The following PTCRA variants were observed in gnomAD, a reference collection of about 807,000 sequenced individuals.
PTCRA encodes the protein pre T-cell antigen receptor alpha.
Under a neutral mutation model 13.4 loss-of-function variants are expected in PTCRA, and 9 were observed. The ratio of observed to expected loss-of-function variants is 0.67; its 90% CI spans 0.41 to 1.18. PTCRA has a LOEUF of 1.18. Among genes scored for constraint, PTCRA ranks in the 50% most tolerant of loss-of-function variants. The pLI, the probability that PTCRA is intolerant of heterozygous loss-of-function variation, is 0.01. For synonymous variants in PTCRA, 153 were observed against 161.9 expected (o/e 0.94, Z 0.42); for missense variants, 353 against 359.8 (o/e 0.98, Z 0.15).
At chr6:42,924,365 C>T (rs1767326407) in intron 3 of PTCRA, 92 bp downstream of exon 3, 3 of 1,075,812 alleles carry the variant, frequency 2.8e-6, no homozygotes, top group Non-Finnish European at 4.3e-6. Context: ...CCTAATGGGT[C>T]TTACACTGGA....
chr6:42,924,382 T>A, intron 3 of PTCRA, 109 bp downstream of exon 3: 1 of 887,462 alleles, frequency 1.1e-6, no homozygotes, highest in Non-Finnish European at 1.9e-6. Context: ...TGGAGGTCAG[T>A]AGGTGTCCCA....
At chr6:42,921,648 C>T (rs1767170999) in intron 1 of PTCRA, among the ~76,000 whole-genome samples, 1 of 148,696 alleles carries the variant, frequency 6.7e-6, no homozygotes, top group Non-Finnish European at 1.5e-5. Flanking sequence ...GATCTCCTGA[C>T]CTCGTGATCT....
chr6:42,919,057 T>A (rs1021313379), intron 1 of PTCRA, among the ~76,000 whole-genome samples: 2 of 146,436 alleles, frequency 1.4e-5, no homozygotes, highest in African/African-American at 5.2e-5. Context: ...TTTTTTTTAA[T>A]TTTTTGAGAC....
At chr6:42,917,552 A>G (rs1766936692) in intron 1 of PTCRA, among the ~76,000 whole-genome samples, 1 of 138,472 alleles carries the variant, frequency 7.2e-6, no homozygotes, top group Non-Finnish European at 1.5e-5. Flanking sequence ...TATTATTATT[A>G]TTATTATTAT....
In PTCRA at chr6:42,925,116, G is replaced by A. The variant is rs932348461; in HGVS notation, c.425-145G>A. 3 of 1,046,310 alleles carry A rather than the reference G, an allele frequency of 2.9e-6. No homozygotes were observed. The highest frequency in any genetic ancestry group is 4.0e-6 in the Non-Finnish European group (3 of 741,666). The allele number at this position is 1,046,310 out of a possible 1,614,324, so 64.8% of individuals were successfully genotyped here. On this transcript the variant is annotated intron_variant, in intron 3 of 3. Coordinates refer to ENST00000304672, the MANE Select transcript of PTCRA (RefSeq NM_138296.3). The surrounding 1 kb of genome is among the most constrained non-coding windows in gnomAD (Gnocchi z 4.4). The stretch of plus-strand genomic sequence containing the variant: ...GGTATGTATTATTACCAGTAAGAAC[G>A]GAGGCTAGACACCGGGAAGGACTTT...
intron 1 of PTCRA, among the ~76,000 whole-genome samples, chr6:42,922,705 A>T (rs1218579280): frequency 1.3e-5 from 2 of 151,272 alleles, no homozygotes; most frequent in African/African-American, 2.4e-5. Flanking sequence ...GCGCCACTGC[A>T]CTCTAGCCTG....
rs929411659 is a variant in PTCRA at position 42,918,229 on chromosome 6, C to G, written c.58+2102C>G. Reference sequence around the variant, plus strand: ...CAAGATCCCACCACTGCACTCCAGGCTAGGCGACAGAACCAGAATCAGTCT... The same window carrying G: ...CAAGATCCCACCACTGCACTCCAGGGTAGGCGACAGAACCAGAATCAGTCT... On this transcript the variant is annotated intron_variant, in intron 1 of 3. Coordinates refer to ENST00000304672, the MANE Select transcript of PTCRA (RefSeq NM_138296.3). Among the ~76,000 whole-genome samples the G allele has an allele frequency of 6.0e-5, 9 of 150,384 alleles. No homozygotes were observed. In the East Asian group the frequency reaches 1.6e-3, roughly 26 times the overall value.
intron 1 of PTCRA, among the ~76,000 whole-genome samples, chr6:42,916,751 T>A (rs1388755825): frequency 1.3e-5 from 2 of 152,168 alleles, no homozygotes; most frequent in Non-Finnish European, 2.9e-5. Context: ...CATGTGCATG[T>A]GTGCATGTAC....
chr6:42,925,290 G>A lies in PTCRA; in HGVS notation c.454G>A (p.Val152Ile), dbSNP rs1303874092. ...GTPGGALWLG[V>I]LRLLLFKLLL... ...ACCGGGTGGGGCGCTGTGGCTGGGG[G>A]TCCTGCGGCTGCTGCTCTTCAAGCT... The change falls in exon 4 of 4, where the codon GTC (valine) becomes ATC (isoleucine). Residue 152 changes from valine to isoleucine, a missense_variant. Coordinates refer to ENST00000304672, the MANE Select transcript of PTCRA (RefSeq NM_138296.3). This position sits in a 1 kb window ranked among gnomAD's most constrained non-coding sequence, Gnocchi z 4.4. 3.1e-6 allele frequency: 5 copies of A among 1,590,480 alleles called. No individual in the cohort carries two copies. Among genetic ancestry groups the A allele is most frequent in the Non-Finnish European group, 4.3e-6 (5 of 1,175,518 alleles).
intron 2 of PTCRA, among the ~76,000 whole-genome samples, chr6:42,923,634 C>T (rs1767296716): frequency 6.6e-6 from 1 of 152,184 alleles, no homozygotes; most frequent in Non-Finnish European, 1.5e-5. Context: ...AGATAATCAC[C>T]CTGTGTACAT....
At chr6:42,918,155 C>A (rs1474698957) in intron 1 of PTCRA, among the ~76,000 whole-genome samples, 3 of 151,304 alleles carry the variant, frequency 2.0e-5, no homozygotes, top group Admixed American at 6.6e-5. Flanking sequence ...ACTTAGGATG[C>A]TGAGGCAGGA....
rs778744161 is a variant in PTCRA, at chr6:42,923,057, C to T, written c.89C>T (p.Ala30Val). The T allele has an allele frequency of 6.2e-7, 1 of 1,614,230 alleles. No homozygotes were observed. The highest frequency in any genetic ancestry group is 8.5e-7 in the Non-Finnish European group (1 of 1,180,032). The change falls in exon 2 of 4, where the codon GCC becomes GTC. Residue 30 changes from alanine to valine, a missense_variant. Ala to Val is a moderately conservative substitution (Grantham distance 64). Coordinates refer to ENST00000304672, the MANE Select transcript of PTCRA (RefSeq NM_138296.3). The part of the protein sequence containing the change: ...GVGGTPFPSL[A>V]PPIMLLVDGK... ...GGCGGCACACCCTTTCCTTCTCTGGCCCCACCAATCATGCTGCTGGTGGAT... is the reference window on the plus strand; with the variant it reads ...GGCGGCACACCCTTTCCTTCTCTGGTCCCACCAATCATGCTGCTGGTGGAT...
Position 42,925,233 on chromosome 6 carries a change from C to A in PTCRA, c.425-28C>A. On this transcript the variant is annotated intron_variant, in intron 3 of 3. Coordinates refer to ENST00000304672, the MANE Select transcript of PTCRA (RefSeq NM_138296.3). This position sits in a 1 kb window ranked among gnomAD's most constrained non-coding sequence, Gnocchi z 4.4. ...TGGGGTAGGGGGCTGCGGGCTCCTG[C>A]GGGCTCCTGAGCGGTTCCTCCTCGC... 1 of 1,567,086 alleles carries A rather than the reference C, an allele frequency of 6.4e-7. No individual in the cohort carries two copies. Among genetic ancestry groups the A allele is most frequent in the Non-Finnish European group, 8.6e-7 (1 of 1,163,724 alleles).
chr6:42,918,882 C>T (rs936140971), intron 1 of PTCRA, among the ~76,000 whole-genome samples: 14 of 151,170 alleles, frequency 9.3e-5, no homozygotes, highest in Non-Finnish European at 1.6e-4. Context: ...CTCCGCCTCC[C>T]GGGTTCACGC....
intron 1 of PTCRA, among the ~76,000 whole-genome samples, chr6:42,919,296 G>A (rs1195270419): frequency 1.3e-5 from 2 of 152,060 alleles, no homozygotes; most frequent in Non-Finnish European, 2.9e-5. Flanking sequence ...GCCTGGCCTA[G>A]GCTAATTATT....
At position 42,918,255 on chromosome 6, in the gene PTCRA, C is replaced by CA. The variant is rs74187597; in HGVS notation, c.58+2141dup. On this transcript the variant is annotated intron_variant, in intron 1 of 3. Coordinates refer to ENST00000304672, the MANE Select transcript of PTCRA (RefSeq NM_138296.3). ...TAGGCGACAGAACCAGAATCAGTCT[C>CA]AAAAAAAAAAAAAGCCAGGCATGGG... Among the ~76,000 whole-genome samples the CA allele has an allele frequency of 7.8e-3, 961 of 123,784 alleles. 7 individuals carry two copies. The highest frequency in any genetic ancestry group is 0.021 in the African/African-American group (693 of 33,522). The allele number at this position is 123,784 out of a possible 152,430, so 81.2% of individuals were successfully genotyped here.
At chr6:42,916,586 G>T (rs1370675568) in intron 1 of PTCRA, among the ~76,000 whole-genome samples, 34 of 152,132 alleles carry the variant, frequency 2.2e-4, no homozygotes, top group Non-Finnish European at 1.5e-5. Flanking sequence ...TAGGACTCAG[G>T]GTGTCTCAAG....
Position 42,923,009 on chromosome 6 carries a change from G to A in PTCRA, c.59-18G>A. 1 of 1,613,236 alleles carries A rather than the reference G, an allele frequency of 6.2e-7. No individual in the cohort carries two copies. The highest frequency in any genetic ancestry group is 8.5e-7 in the Non-Finnish European group (1 of 1,179,324). ...CCAAAAGCTGGTCTAGCACCCACAG[G>A]TACATGCTCTCTTGCAGGTGTGGGC... On this transcript the variant is annotated intron_variant, in intron 1 of 3. Coordinates refer to ENST00000304672, the MANE Select transcript of PTCRA (RefSeq NM_138296.3).
rs1767289402 is a variant in PTCRA, at chr6:42,923,466, C to A, written c.379+119C>A. On this transcript the variant is annotated intron_variant, in intron 2 of 3. Transcript: ENST00000304672. ...GCATGAAGGGTGTCCAAGCGCAGAGCCTCTGGGTGAGGTGACACCTGGGCT... is the reference window on the plus strand; with the variant it reads ...GCATGAAGGGTGTCCAAGCGCAGAGACTCTGGGTGAGGTGACACCTGGGCT... 5 of 988,416 alleles carry A rather than the reference C, an allele frequency of 5.1e-6. No individual in the cohort carries two copies. In the South Asian group the frequency reaches 6.3e-5, roughly 12 times the overall value. The allele number at this position is 988,416 out of a possible 1,614,324, so 61.2% of individuals were successfully genotyped here.
Sources: allele counts gnomAD v4.1 joint callset (sites outside exome capture counted in the v4.1 genomes callset), GRCh38; gene constraint gnomAD v4.1.1; non-coding constraint Gnocchi (gnomAD v3.1); transcripts MANE v1.5; gene names NCBI Gene and HGNC (gene_info 2026-07-23, HGNC 2026-07-21).